Variants in CEP78 observed in about 807,000 individuals in gnomAD.
The protein encoded by CEP78 is centrosomal protein 78.
A neutral mutation model predicts 81.2 loss-of-function variants in CEP78; 76 were observed. That is an observed-to-expected ratio of 0.94 (90% CI 0.78 to 1.13). The LOEUF (loss-of-function observed/expected upper bound fraction) is 1.13. Among genes scored for constraint, CEP78 ranks in the 50% most tolerant of loss-of-function variants. CEP78 has a pLI of 0.00. For synonymous variants in CEP78, 293 were observed against 301.4 expected, an observed-to-expected ratio of 0.97 and a Z score of 0.29; for missense variants, 918 against 846.8, an observed-to-expected ratio of 1.08 and a Z score of -1.04.
chr9:78,265,271 A>T (rs2118474751), intron 13 of CEP78, 101 bp from the exon 14 acceptor site: 2 of 980,940 alleles, frequency 2.0e-6, no homozygotes, highest in Non-Finnish European at 2.9e-6. Flanking sequence ...GGGTTTTAAG[A>T]TTTTAGAAGT....
intron 11 of CEP78, among the ~76,000 whole-genome samples, chr9:78,261,924 A>T (rs1162697113): frequency 6.6e-6 from 1 of 152,204 alleles, no homozygotes; most frequent in East Asian, 1.9e-4. Flanking sequence ...ATAAAAATAT[A>T]TGCCCTTTGA....
At chr9:78,263,437 G>A (rs1021036646) in intron 12 of CEP78, among the ~76,000 whole-genome samples, 1 of 152,124 alleles carries the variant, frequency 6.6e-6, no homozygotes, top group Admixed American at 6.5e-5. Flanking sequence ...TTAGGTGAAT[G>A]TGCATAAGAG....
chr9:78,236,922 T>A (rs1825971975), intron 1 of CEP78, among the ~76,000 whole-genome samples: 1 of 151,068 alleles, frequency 6.6e-6, no homozygotes, highest in African/African-American at 2.4e-5. Flanking sequence ...TTGATTTGCC[T>A]GATAGAGAAC....
At chr9:78,256,761 A>G (rs1827055554) in intron 11 of CEP78, among the ~76,000 whole-genome samples, 1 of 152,134 alleles carries the variant, frequency 6.6e-6, no homozygotes, top group Admixed American at 6.5e-5. Context: ...ATGTCCTGAT[A>G]GGACCAGAGC....
Position 78,279,656 on chromosome 9 carries a change from C to T in CEP78, c.*8805C>T, listed in dbSNP as rs1166789976. On this transcript the variant is annotated 3_prime_UTR_variant, in exon 17 of 17. Coordinates refer to ENST00000643273, the MANE Select transcript of CEP78 (RefSeq NM_001330691.3). ...ATATTATTCCACAAATATTTATTGTCACCAACTATAATAAAAGAACAGAAC... is the reference window on the plus strand; with the variant it reads ...ATATTATTCCACAAATATTTATTGTTACCAACTATAATAAAAGAACAGAAC... The T allele has an allele frequency of 6.6e-6, 1 of 152,156 alleles. No homozygotes were observed. Among genetic ancestry groups the T allele is most frequent in the Non-Finnish European group, 1.5e-5 (1 of 68,036 alleles). 9.4% of individuals were successfully genotyped at this position (152,156 alleles called of 1,614,324 possible).
Position 78,277,979 on chromosome 9 carries a change from T to C in CEP78, c.*7128T>C, listed in dbSNP as rs866894787. 3 of 152,198 alleles carry C rather than the reference T, an allele frequency of 2.0e-5. No individual in the cohort carries two copies. Among genetic ancestry groups the C allele is most frequent in the Non-Finnish European group, 4.4e-5 (3 of 68,030 alleles). The allele number at this position is 152,198 out of a possible 1,614,324, so 9.4% of individuals were successfully genotyped here. A position where few individuals can be genotyped will look rare whatever the true frequency, so the allele number is the denominator to read the frequency against. On this transcript the variant is annotated 3_prime_UTR_variant, in exon 17 of 17. Transcript: ENST00000643273. ...TGCACAGTAACCACGCACTCCTGTT[T>C]ACATTTGTATAGTTAAAACTTGTTT...
intron 11 of CEP78, among the ~76,000 whole-genome samples, chr9:78,257,863 G>T (rs1427116399): frequency 4.6e-5 from 7 of 152,046 alleles, no homozygotes; most frequent in African/African-American, 1.2e-4. Flanking sequence ...TCAAGACAAG[G>T]GTTGTAAACT....
chr9:78,250,813 G>A (rs1826724235), intron 8 of CEP78, among the ~76,000 whole-genome samples: 1 of 151,916 alleles, frequency 6.6e-6, no homozygotes, highest in Admixed American at 6.6e-5. Flanking sequence ...CTTTTTTTTA[G>A]GATAATTAAA....
intron 13 of CEP78, among the ~76,000 whole-genome samples, chr9:78,265,048 G>A (rs1827452878): frequency 6.6e-6 from 1 of 151,972 alleles, no homozygotes; most frequent in Non-Finnish European, 1.5e-5. Flanking sequence ...GTGAGAGGCA[G>A]TAGGTGTGTG....
chr9:78,246,454 G>A (rs570515172), intron 5 of CEP78, among the ~76,000 whole-genome samples: 10 of 152,284 alleles, frequency 6.6e-5, no homozygotes, highest in East Asian at 1.9e-4. Context: ...AAAAAAATTA[G>A]CCATGCGTGG....
intron 11 of CEP78, among the ~76,000 whole-genome samples, chr9:78,259,081 G>A (rs1000371130): frequency 1.3e-5 from 2 of 152,176 alleles, no homozygotes; most frequent in Non-Finnish European, 2.9e-5. Flanking sequence ...ACAACCCGAT[G>A]TCCATTAAGA....
chr9:78,260,407 C>T (rs1258560317), intron 11 of CEP78, among the ~76,000 whole-genome samples: 1 of 152,016 alleles, frequency 6.6e-6, no homozygotes, highest in Non-Finnish European at 1.5e-5. Context: ...TTATTTAGCC[C>T]ACTAAAAAAG....
intron 16 of CEP78, 189 bp downstream of exon 16, chr9:78,266,892 T>G: frequency 7.0e-7 from 1 of 1,433,744 alleles, no homozygotes; most frequent in Non-Finnish European, 9.1e-7. Flanking sequence ...AGTGACTGTT[T>G]CATCCAAGAC....
At chr9:78,259,798 G>A (rs1827194150) in intron 11 of CEP78, among the ~76,000 whole-genome samples, 1 of 152,078 alleles carries the variant, frequency 6.6e-6, no homozygotes. Flanking sequence ...CAGAGAATCT[G>A]AATTTCCAAA....
At chr9:78,265,779 C>T (rs931670842) in intron 14 of CEP78, 80 bp from the exon 15 acceptor site, 5 of 807,882 alleles carry the variant, frequency 6.2e-6, no homozygotes, top group Non-Finnish European at 1.0e-5. Context: ...AGACTATCCT[C>T]AGTGAAGAAA....
At chr9:78,262,869 G>T in intron 11 of CEP78, 38 bp from the exon 12 acceptor site, 1 of 1,253,434 alleles carries the variant, frequency 8.0e-7, no homozygotes, top group South Asian at 1.4e-5. Flanking sequence ...ATCATATTGG[G>T]AATTAATTAT....
At position 78,246,663 on chromosome 9, in the gene CEP78, C is replaced by T. The variant is rs771246582; in HGVS notation, c.779-6C>T. 18 of 1,563,066 alleles carry T rather than the reference C, an allele frequency of 1.2e-5. No individual in the cohort carries two copies. Among genetic ancestry groups the T allele is most frequent in the South Asian group, 2.4e-5 (2 of 85,042 alleles). On this transcript the variant is annotated splice_polypyrimidine_tract_variant and splice_region_variant and intron_variant, in intron 5 of 16. Transcript: ENST00000643273. ...TAGCAAGTGACCCTTTGTCTTTCATCGAAAGCTCTTGACCTGCAACAGTGC... is the reference window on the plus strand; with the variant it reads ...TAGCAAGTGACCCTTTGTCTTTCATTGAAAGCTCTTGACCTGCAACAGTGC...
chr9:78,237,053 T>C (rs1394402195), intron 1 of CEP78, among the ~76,000 whole-genome samples: 1 of 134,740 alleles, frequency 7.4e-6, no homozygotes, highest in Non-Finnish European at 1.5e-5. Flanking sequence ...AGATCTCGGC[T>C]CACTGCAACC....
rs1030288025 is a variant in CEP78 at position 78,271,488 on chromosome 9, A to T, written c.*637A>T. 6 of 152,188 alleles carry T rather than the reference A, an allele frequency of 3.9e-5. No homozygotes were observed. Among genetic ancestry groups the T allele is most frequent in the Non-Finnish European group, 7.3e-5 (5 of 68,034 alleles). The allele number at this position is 152,188 out of a possible 1,614,324, so 9.4% of individuals were successfully genotyped here. On this transcript the variant is annotated 3_prime_UTR_variant, in exon 17 of 17. Coordinates refer to ENST00000643273, the MANE Select transcript of CEP78 (RefSeq NM_001330691.3). ...AGGATGCCATGAAAAAAATATTTAG[A>T]GTTTCTGGAAATTAAAAATTTGATT...
Sources: gnomAD v4.1 joint callset for allele counts (sites outside exome capture counted in the v4.1 genomes callset) on GRCh38, gnomAD v4.1.1 for gene constraint, MANE v1.5 for transcripts, NCBI Gene and HGNC (gene_info 2026-07-23, HGNC 2026-07-21) for gene names.